The following SPMIP8 variants were observed in gnomAD, a reference collection of about 807,000 sequenced individuals.
SPMIP8 encodes the protein testicular tissue protein Li 196.
the SPMIP8 span, chr16:57,985,078 TC>T: frequency 8.6e-7 from 1 of 1,163,062 alleles, no homozygotes; most frequent in Non-Finnish European, 1.2e-6. Context: ...CGGGACCTGT[TC>T]TCCGTACACG....
At chr16:57,977,942 C>T in the SPMIP8 span, 31 of 1,614,158 alleles carry the variant, frequency 1.9e-5, no homozygotes, top group Non-Finnish European at 2.5e-5. Flanking sequence ...AGCAGCTCTA[C>T]CACCCAGCCC....
At chr16:57,985,337 C>T in the SPMIP8 span, 6 of 1,484,028 alleles carry the variant, frequency 4.0e-6, no homozygotes, top group East Asian at 2.9e-5. Context: ...CGGCTTAAGC[C>T]GGGGGTTGAG....
chr16:57,977,952 C>T, the SPMIP8 span: 2 of 1,614,078 alleles, frequency 1.2e-6, no homozygotes, highest in Non-Finnish European at 1.7e-6. Context: ...CCACCCAGCC[C>T]TGCCCACCCT....
chr16:57,985,204 A>G, the SPMIP8 span: 2 of 1,528,870 alleles, frequency 1.3e-6, no homozygotes, highest in Admixed American at 4.3e-5. Context: ...TTCTGTTCGC[A>G]GCGGAGGGTC....
chr16:57,984,741 G>T, the SPMIP8 span: 8 of 1,605,572 alleles, frequency 5.0e-6, no homozygotes, highest in Non-Finnish European at 6.8e-6. Flanking sequence ...CTTCACGCGC[G>T]CCATCGAGGA....
At chr16:57,985,035 G>A in the SPMIP8 span, 1 of 1,078,208 alleles carries the variant, frequency 9.3e-7, no homozygotes, top group African/African-American at 1.6e-5. Flanking sequence ...GAGCCTTCGG[G>A]CCGGGGGCTT....
the SPMIP8 span, chr16:57,985,433 T>G: frequency 3.1e-6 from 5 of 1,613,382 alleles, no homozygotes; most frequent in African/African-American, 6.7e-5. Context: ...GGGCAGGGCG[T>G]CCGTGCTCCC....
chr16:57,977,531 G>A, the SPMIP8 span, among the ~76,000 whole-genome samples: 1 of 150,596 alleles, frequency 6.6e-6, no homozygotes, highest in Non-Finnish European at 1.5e-5. Context: ...ACTCTGTACT[G>A]ACCTCCCTCA....
the SPMIP8 span, among the ~76,000 whole-genome samples, chr16:57,984,028 C>T: frequency 8.5e-5 from 13 of 152,060 alleles, no homozygotes; most frequent in Admixed American, 6.5e-4. Flanking sequence ...CTTAGCCTCC[C>T]GAGTACCCGG....
chr16:57,985,038 G>A, the SPMIP8 span: 38 of 1,080,802 alleles, frequency 3.5e-5, no homozygotes, highest in African/African-American at 2.7e-4. Flanking sequence ...CCTTCGGGCC[G>A]GGGGCTTTGC....
the SPMIP8 span, among the ~76,000 whole-genome samples, chr16:57,981,104 G>A: frequency 6.6e-6 from 1 of 152,056 alleles, no homozygotes; most frequent in South Asian, 2.1e-4. Context: ...ATCTTGGCCG[G>A]GCGTGGCGGT....
At chr16:57,985,782 G>T in the SPMIP8 span, 2 of 1,325,282 alleles carry the variant, frequency 1.5e-6, no homozygotes, top group South Asian at 3.1e-5. Flanking sequence ...GTTCGCATTG[G>T]GTGAAGGCGC....
chr16:57,984,610 G>A, the SPMIP8 span: 2 of 1,531,864 alleles, frequency 1.3e-6, no homozygotes, highest in South Asian at 2.4e-5. Context: ...ACGGCCGCGC[G>A]GGCCTGACCC....
the SPMIP8 span, chr16:57,985,872 T>C: frequency 6.3e-7 from 1 of 1,592,704 alleles, no homozygotes; most frequent in East Asian, 2.2e-5. Context: ...GGGTCGCCCC[T>C]TCCCATCTCG....
At chr16:57,985,440 T>A in the SPMIP8 span, 1 of 1,613,268 alleles carries the variant, frequency 6.2e-7, no homozygotes, top group Non-Finnish European at 8.5e-7. Flanking sequence ...GCGTCCGTGC[T>A]CCCCCGACTC....
At chr16:57,986,065 G>T in the SPMIP8 span, 2 of 1,277,830 alleles carry the variant, frequency 1.6e-6, no homozygotes, top group South Asian at 1.6e-5. Flanking sequence ...AGGAGGAGGG[G>T]CCCTCCTGGG....
chr16:57,978,588 A>G, the SPMIP8 span, among the ~76,000 whole-genome samples: 1 of 151,782 alleles, frequency 6.6e-6, no homozygotes, highest in African/African-American at 2.4e-5. Context: ...TATGTGCTCA[A>G]AAAGTATTGC....
chr16:57,987,826 C>A, the SPMIP8 span: 1 of 188,450 alleles, frequency 5.3e-6, no homozygotes, highest in Non-Finnish European at 1.1e-5. Flanking sequence ...CATTTCAGAT[C>A]CTGAATTTGA....
At chr16:57,984,500 G>A in the SPMIP8 span, 1 of 1,514,512 alleles carries the variant, frequency 6.6e-7, no homozygotes, top group Non-Finnish European at 9.0e-7. Flanking sequence ...CCCCATCCGG[G>A]TTCACGACTT....
Sources: gnomAD v4.1 joint callset for allele counts (sites outside exome capture counted in the v4.1 genomes callset) on GRCh38, gnomAD v4.1.1 for gene constraint, MANE v1.5 for transcripts, NCBI Gene and HGNC (gene_info 2026-07-23, HGNC 2026-07-21) for gene names.